The following LRRK2 variants were observed in gnomAD, a reference collection of about 807,000 sequenced individuals.
LRRK2 encodes the protein leucine-rich repeat serine/threonine-protein kinase 2.
Under a neutral mutation model 302.6 loss-of-function variants are expected in LRRK2, and 203 were observed. That is an observed-to-expected ratio of 0.67 (90% confidence interval 0.60 to 0.75). The LOEUF (loss-of-function observed/expected upper bound fraction) is 0.75, where lower values mean the gene tolerates loss of function less well. Ranked by LOEUF, LRRK2 falls within the 30% of genes least tolerant of loss-of-function variation. The pLI, the probability that LRRK2 is intolerant of heterozygous loss-of-function variation, is 0.00. For missense variants in LRRK2, 2,830 were observed against 2,951.0 expected, an observed-to-expected ratio of 0.96 and a Z score of 0.95; for synonymous variants, 1,066 against 1,031.9, an observed-to-expected ratio of 1.03 and a Z score of -0.63.
intron 11 of LRRK2, among the ~76,000 whole-genome samples, chr12:40,256,552 T>C (rs1034508213): frequency 6.6e-6 from 1 of 152,244 alleles, no homozygotes; most frequent in African/African-American, 2.4e-5. Flanking sequence ...AGCATATCTA[T>C]ATGTTTCCTA....
At chr12:40,351,825 G>A (rs1390521212) in intron 44 of LRRK2, 92 bp downstream of exon 44, 2 of 1,262,296 alleles carry the variant, frequency 1.6e-6, no homozygotes, top group Middle Eastern at 1.9e-4. Flanking sequence ...AGCCAATGTA[G>A]GATTATTATT....
Position 40,278,104 on chromosome 12 carries a change from G to A in LRRK2, c.2084G>A (p.Cys695Tyr), listed in dbSNP as rs1393655945. The part of the protein sequence containing the change: ...EQKDQQFLNL[C>Y]CKCFAKVAMD... ...CACTCTTTTTAGTTTCTAAACCTCTGTTGCAAGTGTTTTGCAAAAGTAGCT... is the reference window on the plus strand; with the variant it reads ...CACTCTTTTTAGTTTCTAAACCTCTATTGCAAGTGTTTTGCAAAAGTAGCT... The change falls in exon 18 of 51, where the codon TGT (cysteine) becomes TAT (tyrosine). Residue 695 changes from cysteine (C) to tyrosine (Y), a missense_variant. By Grantham distance (194) the Cys-to-Tyr change is radical. Coordinates refer to ENST00000298910, the MANE Select transcript of LRRK2 (RefSeq NM_198578.4). 1 of 1,613,844 alleles carries A rather than the reference G, an allele frequency of 6.2e-7. No individual in the cohort carries two copies. The highest frequency in any genetic ancestry group is 2.2e-5 in the East Asian group (1 of 44,850).
intron 3 of LRRK2, 137 bp downstream of exon 3, chr12:40,232,520 G>A (rs1941251219): frequency 1.4e-6 from 1 of 704,908 alleles, no homozygotes; most frequent in Non-Finnish European, 2.5e-6. Context: ...TTTTCCTTGA[G>A]TCAATGATTT....
At chr12:40,257,050 A>T (rs1298026384) in intron 11 of LRRK2, among the ~76,000 whole-genome samples, 198 bp from the exon 12 acceptor site, 2 of 152,216 alleles carry the variant, frequency 1.3e-5, no homozygotes, top group African/African-American at 4.8e-5. Context: ...GGGTTAATAA[A>T]GGCAAAAAAA....
intron 8 of LRRK2, 121 bp from the exon 9 acceptor site, chr12:40,251,111 G>C: frequency 1.6e-6 from 1 of 620,708 alleles, no homozygotes; most frequent in Non-Finnish European, 2.7e-6. Flanking sequence ...ATTGACCAAG[G>C]CTTCTCCTAA....
At chr12:40,272,043 G>A (rs1206644580) in intron 14 of LRRK2, among the ~76,000 whole-genome samples, 4 of 152,132 alleles carry the variant, frequency 2.6e-5, no homozygotes, top group African/African-American at 9.7e-5. Context: ...TTGAGCTTGG[G>A]AGTAGAAGTG....
At chr12:40,275,105 AT>A in intron 16 of LRRK2, 112 bp downstream of exon 16, 1 of 1,175,062 alleles carries the variant, frequency 8.5e-7, no homozygotes, top group Non-Finnish European at 1.3e-6. Flanking sequence ...ATGGAAAACC[AT>A]TTATCCTTTT....
intron 14 of LRRK2, among the ~76,000 whole-genome samples, chr12:40,271,282 T>C (rs1035333895): frequency 2.6e-5 from 4 of 152,152 alleles, no homozygotes; most frequent in Non-Finnish European, 4.4e-5. Context: ...ATGGGATTTA[T>C]AAAAGAAAAA....
intron 33 of LRRK2, 21 bp from the exon 34 acceptor site, chr12:40,319,967 T>C: frequency 1.3e-6 from 2 of 1,598,930 alleles, no homozygotes; most frequent in South Asian, 1.1e-5. Flanking sequence ...TTAGTGATTA[T>C]TTATGACTCG....
rs1436498977 is a variant in LRRK2 at position 40,342,653 on chromosome 12, C to T, written c.6109+2199C>T. On this transcript the variant is annotated intron_variant, in intron 41 of 50. Coordinates refer to ENST00000298910, the MANE Select transcript of LRRK2 (RefSeq NM_198578.4). ...TACTACCATCACCAAACTTTTTCTT[C>T]CCCAAAGCAGTTCTGTTTGGGAAGG... Among the ~76,000 whole-genome samples the T allele has an allele frequency of 2.0e-5, 3 of 152,174 alleles. No individual in the cohort carries two copies. The East Asian group carries it at 5.8e-4, about 29-fold the overall frequency.
At chr12:40,231,390 C>CA (rs10631840) in intron 2 of LRRK2, among the ~76,000 whole-genome samples, 3,011 of 106,660 alleles carry the variant, frequency 0.028, 201 homozygotes, top group African/African-American at 0.1. Context: ...CCTGTCTTCA[C>CA]AAAAAAAAAA....
chr12:40,256,374 A>G (rs997163582), intron 11 of LRRK2, among the ~76,000 whole-genome samples: 1 of 152,180 alleles, frequency 6.6e-6, no homozygotes. Context: ...TGAGGCCAGG[A>G]GGTTAAGACT....
intron 2 of LRRK2, among the ~76,000 whole-genome samples, chr12:40,228,704 T>A (rs1186614231): frequency 3.3e-5 from 5 of 152,142 alleles, no homozygotes; most frequent in Non-Finnish European, 5.9e-5. Context: ...TTCCCCAGTG[T>A]TTTCTTCTAG....
intron 50 of LRRK2, chr12:40,367,280 G>A (rs1592356674): frequency 3.8e-6 from 2 of 524,556 alleles, no homozygotes; most frequent in African/African-American, 1.9e-5. Context: ...ATTTTCAGCT[G>A]AAGTAGAGGT....
chr12:40,275,646 CT>C (rs1943421772), intron 16 of LRRK2, among the ~76,000 whole-genome samples: 1 of 149,738 alleles, frequency 6.7e-6, no homozygotes, highest in Admixed American at 6.6e-5. Context: ...GGGTCTCACT[CT>C]GTCACCCAGG....
intron 13 of LRRK2, 54 bp from the exon 14 acceptor site, chr12:40,263,735 A>T (rs10784461): frequency 7.9e-6 from 10 of 1,270,340 alleles, no homozygotes; most frequent in Middle Eastern, 4.7e-4. Flanking sequence ...CAGTCTGTTC[A>T]ACTCAAATGT....
chr12:40,362,068 T>C (rs1430007324), intron 47 of LRRK2, among the ~76,000 whole-genome samples: 1 of 152,104 alleles, frequency 6.6e-6, no homozygotes, highest in Non-Finnish European at 1.5e-5. Flanking sequence ...AGATTTATCA[T>C]ATTTTATGTT....
intron 33 of LRRK2, among the ~76,000 whole-genome samples, chr12:40,319,256 A>G (rs151130324): frequency 3.3e-5 from 5 of 152,222 alleles, no homozygotes; most frequent in Admixed American, 6.5e-5. Flanking sequence ...CACTTTTATT[A>G]TCTCATTTTA....
intron 32 of LRRK2, among the ~76,000 whole-genome samples, 188 bp from the exon 33 acceptor site, chr12:40,315,024 A>T (rs544689655): frequency 6.6e-6 from 1 of 152,064 alleles, no homozygotes; most frequent in Non-Finnish European, 1.5e-5. Flanking sequence ...TATGTAGTTT[A>T]AAAATACTCC....
Sources: allele counts gnomAD v4.1 joint callset (sites outside exome capture counted in the v4.1 genomes callset), GRCh38; gene constraint gnomAD v4.1.1; transcripts MANE v1.5; gene names NCBI Gene and HGNC (gene_info 2026-07-23, HGNC 2026-07-21).